The following HNRNPUL1 variants were observed in gnomAD, a reference collection of about 807,000 sequenced individuals.
HNRNPUL1 encodes the protein heterogeneous nuclear ribonucleoprotein U like 1, also known as heterogeneous nuclear ribonucleoprotein U-like protein 1.
A neutral mutation model predicts 108.5 loss-of-function variants in HNRNPUL1; 14 were observed. The ratio of observed to expected loss-of-function variants is 0.13; its 90% CI spans 0.09 to 0.20. HNRNPUL1 has a LOEUF of 0.20. Among genes scored for constraint, HNRNPUL1 ranks in the 10% least tolerant of loss-of-function variants. The probability of loss-of-function intolerance (pLI) is 1.00; values close to 1 mark genes in which losing one functional copy is unlikely to be tolerated. For missense variants in HNRNPUL1, 804 were observed against 1,168.3 expected (o/e 0.69, Z 4.55); for synonymous variants, 422 against 445.2 (o/e 0.95, Z 0.66).
chr19:41,296,946 G>A (rs1381905512), intron 10 of HNRNPUL1, among the ~76,000 whole-genome samples: 1 of 152,190 alleles, frequency 6.6e-6, no homozygotes, highest in Non-Finnish European at 1.5e-5. Flanking sequence ...GGAAGGAGAG[G>A]TTGTCTGCAG....
intron 2 of HNRNPUL1, among the ~76,000 whole-genome samples, chr19:41,269,369 A>G (rs1331025332): frequency 2.0e-5 from 3 of 150,810 alleles, no homozygotes; most frequent in Non-Finnish European, 4.4e-5. Flanking sequence ...AGTTAAAGCT[A>G]CTCAGGAGAC....
At chr19:41,268,576 C>T (rs2035005523) in intron 2 of HNRNPUL1, among the ~76,000 whole-genome samples, 1 of 151,908 alleles carries the variant, frequency 6.6e-6, no homozygotes, top group African/African-American at 2.4e-5. Flanking sequence ...ATGTTAGTAT[C>T]AGCCGGGTGT....
intron 11 of HNRNPUL1, 87 bp from the exon 12 acceptor site, chr19:41,302,578 G>A (rs1303351465): frequency 1.3e-6 from 2 of 1,507,252 alleles, no homozygotes; most frequent in Non-Finnish European, 1.8e-6. Flanking sequence ...CCTTCTGGAA[G>A]GCCACTCTTC....
At chr19:41,275,892 C>T (rs564849184) in intron 4 of HNRNPUL1, among the ~76,000 whole-genome samples, 11 of 152,188 alleles carry the variant, frequency 7.2e-5, no homozygotes, top group African/African-American at 2.2e-4. Context: ...CACCTGAGGT[C>T]GGGAGTTCGA....
At chr19:41,282,002 A>G (rs987035694) in intron 7 of HNRNPUL1, among the ~76,000 whole-genome samples, 3 of 152,238 alleles carry the variant, frequency 2.0e-5, no homozygotes, top group Non-Finnish European at 4.4e-5. Flanking sequence ...TGCCTGACAC[A>G]CAGTAAGTGC....
At chr19:41,269,320 G>T (rs1036760530) in intron 2 of HNRNPUL1, among the ~76,000 whole-genome samples, 1 of 151,110 alleles carries the variant, frequency 6.6e-6, no homozygotes, top group Admixed American at 6.6e-5. Context: ...TTAAAAATTA[G>T]CCAGGCATGG....
At position 41,264,447 on chromosome 19, in the gene HNRNPUL1, G is replaced by C. The variant is rs2034677279; in HGVS notation, c.-57G>C. 7.6e-7 allele frequency: 1 copy of C among 1,312,778 alleles called. No homozygotes were observed. The highest frequency in any genetic ancestry group is 9.8e-7 in the Non-Finnish European group (1 of 1,025,270). 81.3% of individuals were successfully genotyped at this position (1,312,778 alleles called of 1,614,324 possible). On this transcript the variant is annotated 5_prime_UTR_variant, in exon 1 of 15. Transcript: ENST00000392006. ...GCCTCCTGACAGGAAAGGTTTAAGG[G>C]GGACAGAGCCCTGGGAGGCCGGGCC...
intron 13 of HNRNPUL1, among the ~76,000 whole-genome samples, chr19:41,305,362 CT>C (rs1453504362): frequency 6.6e-6 from 1 of 152,006 alleles, no homozygotes; most frequent in Non-Finnish European, 1.5e-5. Context: ...AGGAGTTGTT[CT>C]TGTTCTATTG....
chr19:41,294,772 T>G lies in HNRNPUL1; in HGVS notation c.1518+86T>G. 1 of 1,526,774 alleles carries G rather than the reference T, an allele frequency of 6.5e-7. No homozygotes were observed. The highest frequency in any genetic ancestry group is 9.0e-7 in the Non-Finnish European group (1 of 1,108,214). The allele number at this position is 1,526,774 out of a possible 1,614,324, so 94.6% of individuals were successfully genotyped here. A position where few individuals can be genotyped will look rare whatever the true frequency, so the allele number is the denominator to read the frequency against. ...AATCTCCCTCTGGTCCCTTTCTTTTTTCCCCCGTAATGATGATGGACTGCT... is the reference window on the plus strand; with the variant it reads ...AATCTCCCTCTGGTCCCTTTCTTTTGTCCCCCGTAATGATGATGGACTGCT... On this transcript the variant is annotated intron_variant, in intron 10 of 14. Coordinates refer to ENST00000392006, the MANE Select transcript of HNRNPUL1 (RefSeq NM_007040.6). The surrounding 1 kb of genome is among the most constrained non-coding windows in gnomAD (Gnocchi z 4.3).
chr19:41,304,941 C>T (rs1270145347), intron 13 of HNRNPUL1, among the ~76,000 whole-genome samples: 3 of 152,202 alleles, frequency 2.0e-5, no homozygotes, highest in African/African-American at 7.2e-5. Context: ...CAGATCCAAA[C>T]CCCCAGCCCC....
intron 6 of HNRNPUL1, among the ~76,000 whole-genome samples, chr19:41,279,999 T>A (rs2035811447): frequency 1.3e-5 from 2 of 152,236 alleles, no homozygotes; most frequent in African/African-American, 4.8e-5. Context: ...CATTTTATAG[T>A]TGCATTATTT....
At chr19:41,284,780 G>A (rs766621399) in intron 7 of HNRNPUL1, among the ~76,000 whole-genome samples, 3 of 152,116 alleles carry the variant, frequency 2.0e-5, no homozygotes, top group Non-Finnish European at 1.5e-5. Context: ...GGCAGATCAC[G>A]AGGTCAGGAG....
In HNRNPUL1 at chr19:41,264,776, C is replaced by G; in HGVS notation, c.273C>G (p.Gly91=). Residue 91 remains glycine (G), a synonymous_variant, in exon 1 of 15, where the codon GGC becomes GGG. Coordinates refer to ENST00000392006, the MANE Select transcript of HNRNPUL1 (RefSeq NM_007040.6). ...TGCAGCCGCACGCGGAGCCCGGCGG[C>G]TACTCGGGGCCGGACGGACATTGTG... ...PGLQPHAEPG[G]YSGPDGHYAM... The G allele has an allele frequency of 7.3e-7, 1 of 1,370,698 alleles. No homozygotes were observed. Among genetic ancestry groups the G allele is most frequent in the Non-Finnish European group, 9.4e-7 (1 of 1,066,308 alleles). The allele number at this position is 1,370,698 out of a possible 1,614,324, so 84.9% of individuals were successfully genotyped here.
At chr19:41,271,048 A>G (rs1267921534) in intron 2 of HNRNPUL1, among the ~76,000 whole-genome samples, 1 of 152,282 alleles carries the variant, frequency 6.6e-6, no homozygotes, top group East Asian at 1.9e-4. Flanking sequence ...GGGTCCCACT[A>G]TTGAGAACTG....
chr19:41,287,289 C>A (rs1253914241), intron 7 of HNRNPUL1, among the ~76,000 whole-genome samples: 1 of 152,088 alleles, frequency 6.6e-6, no homozygotes, highest in African/African-American at 2.4e-5. Context: ...GCTAGGATTA[C>A]AGGTGTGAGC....
intron 1 of HNRNPUL1, among the ~76,000 whole-genome samples, chr19:41,266,451 C>A (rs2034849584): frequency 6.7e-6 from 1 of 150,210 alleles, no homozygotes; most frequent in Admixed American, 6.6e-5. Flanking sequence ...AAAAAAGCAG[C>A]TTTCTTTCTC....
At position 41,304,111 on chromosome 19, in the gene HNRNPUL1, A is replaced by G; in HGVS notation, c.2112A>G (p.Pro704=). The part of the protein sequence containing the change: ...QQPPPQQPPP[P]QPPPQQPPPP... ...CGCCACCACAGCAGCCTCCGCCACC[A>G]CAGCCACCACCCCAGCAGCCACCGC... The change falls in exon 13 of 15, where the codon CCA becomes CCG. Residue 704 remains proline (P), a synonymous_variant. Transcript: ENST00000392006. The G allele has an allele frequency of 6.2e-7, 1 of 1,613,262 alleles. No homozygotes were observed.
rs917125443 is a variant in HNRNPUL1, at chr19:41,274,158, T to C, written c.646+103T>C. 5 of 933,930 alleles carry C rather than the reference T, an allele frequency of 5.4e-6. No homozygotes were observed. The South Asian group carries it at 5.5e-5, about 10-fold the overall frequency. The allele number at this position is 933,930 out of a possible 1,614,324, so 57.9% of individuals were successfully genotyped here. A position where few individuals can be genotyped will look rare whatever the true frequency, so the allele number is the denominator to read the frequency against. ...CCCTGCTGGGCACCGTCCAAAGACA[T>C]TGTTAGTCCACATGTGAGACACGGC... On this transcript the variant is annotated intron_variant, in intron 4 of 14. Coordinates refer to ENST00000392006, the MANE Select transcript of HNRNPUL1 (RefSeq NM_007040.6).
intron 7 of HNRNPUL1, among the ~76,000 whole-genome samples, chr19:41,290,486 G>T (rs1448607065): frequency 1.3e-5 from 2 of 152,108 alleles, no homozygotes; most frequent in Non-Finnish European, 2.9e-5. Context: ...GTAAATTAGA[G>T]TCCCTCACAT....
Sources: gnomAD v4.1 joint callset for allele counts (sites outside exome capture counted in the v4.1 genomes callset) on GRCh38, gnomAD v4.1.1 for gene constraint, Gnocchi (gnomAD v3.1) non-coding constraint, MANE v1.5 for transcripts, NCBI Gene and HGNC (gene_info 2026-07-23, HGNC 2026-07-21) for gene names.